Variants in LY9 observed in about 807,000 individuals in gnomAD.
LY9 encodes the protein lymphocyte antigen 9, also known as T-lymphocyte surface antigen Ly-9.
LY9 carries 59 observed loss-of-function variants against 64.6 expected under a neutral mutation model. The observed-to-expected ratio is 0.91, with a 90% CI of 0.74 to 1.13. The LOEUF (loss-of-function observed/expected upper bound fraction) is 1.13. Ranked by LOEUF, LY9 falls within the 50% of genes most tolerant of loss-of-function variation. The pLI, the probability that LY9 is intolerant of heterozygous loss-of-function variation, is 0.00. For synonymous variants in LY9, 281 were observed against 308.5 expected (o/e 0.91, Z 0.93); for missense variants, 789 against 797.2 (o/e 0.99, Z 0.12).
rs1021219176 is a variant in LY9 at position 160,823,537 on chromosome 1, C to G, written c.1571C>G (p.Pro524Arg). 1.9e-6 allele frequency: 3 copies of G among 1,614,212 alleles called. No homozygotes were observed. Among genetic ancestry groups the G allele is most frequent in the Non-Finnish European group, 2.5e-6 (3 of 1,180,028 alleles). The change falls in exon 8 of 10, where the codon CCT becomes CGT. Residue 524 changes from proline (P) to arginine (R), a missense_variant. Physicochemically the swap from Pro to Arg is moderately radical, Grantham distance 103. Coordinates refer to ENST00000263285, the MANE Select transcript of LY9 (RefSeq NM_002348.4). Reference sequence around the variant, plus strand: ...GAGAAGCTGGACACTCCCCTCAGGCCTGCCAGGCAACAGCCTACACCCACC... The same window carrying G: ...GAGAAGCTGGACACTCCCCTCAGGCGTGCCAGGCAACAGCCTACACCCACC... The part of the protein sequence containing the change: ...GYEKLDTPLR[P>R]ARQQPTPTSD...
chr1:160,813,783 C>A lies in LY9; in HGVS notation c.602C>A (p.Ser201Tyr). 1.9e-6 allele frequency: 3 copies of A among 1,614,142 alleles called. No individual in the cohort carries two copies. The highest frequency in any genetic ancestry group is 2.5e-6 in the Non-Finnish European group (3 of 1,180,020). ...CCAAGGGAACCCCATGCTTCTGAGT[C>A]CAATGGAGGCTCCATTCTTACCGTC... ...WTPREPHASE[S>Y]NGGSILTVSR... Residue 201 changes from serine (S) to tyrosine (Y), a missense_variant, in exon 3 of 10, where the codon TCC (serine) becomes TAC (tyrosine). By Grantham distance (144) the Ser-to-Tyr change is moderately radical. Coordinates refer to ENST00000263285, the MANE Select transcript of LY9 (RefSeq NM_002348.4).
rs563712486 is a variant in LY9 at position 160,802,791 on chromosome 1, C to T, written c.454+2709C>T. On this transcript the variant is annotated intron_variant, in intron 2 of 9. Transcript: ENST00000263285. The stretch of plus-strand genomic sequence containing the variant: ...TTGTCAAAGGTCAATTGGCTATAAA[C>T]CTGTGGCTTTATTTCTGTGTTCTCT... The T allele has an allele frequency of 1.7e-4, 75 of 430,818 alleles. 1 individual carries two copies. Among genetic ancestry groups the T allele is most frequent in the African/African-American group, 1.5e-3 (69 of 46,504 alleles). 26.7% of individuals were successfully genotyped at this position (430,818 alleles called of 1,614,324 possible).
intron 1 of LY9, chr1:160,797,212 A>T: frequency 1.0e-6 from 1 of 985,496 alleles, no homozygotes; most frequent in Non-Finnish European, 1.2e-6. Flanking sequence ...GCCACCTGGG[A>T]CTGTGGCAGC....
chr1:160,799,987 A>G lies in LY9; in HGVS notation c.359A>G (p.Asn120Ser), dbSNP rs754794213. The change falls in exon 2 of 10, where the codon AAT becomes AGT. Residue 120 changes from asparagine to serine, a missense_variant. By Grantham distance (46) the Asn-to-Ser change is conservative. Transcript: ENST00000263285. ...TKWSYSLCIS[N>S]LTLNDAGSYK... Reference sequence around the variant, plus strand: ...TGGAGTTACTCCCTGTGCATCAGCAATCTGACTCTGAATGATGCAGGATCC... The same window carrying G: ...TGGAGTTACTCCCTGTGCATCAGCAGTCTGACTCTGAATGATGCAGGATCC... 31 of 1,614,096 alleles carry G rather than the reference A, an allele frequency of 1.9e-5. No individual in the cohort carries two copies. The highest frequency in any genetic ancestry group is 2.0e-5 in the Non-Finnish European group (24 of 1,180,044).
At position 160,816,690 on chromosome 1, in the gene LY9, A is replaced by T. The variant is rs750912918; in HGVS notation, c.1169A>T (p.Asn390Ile). The T allele has an allele frequency of 4.9e-5, 79 of 1,614,016 alleles. No individual in the cohort carries two copies. The highest frequency in any genetic ancestry group is 6.1e-5 in the Non-Finnish European group (72 of 1,180,002). ...ACCTGCTCCGTGGAGGACGGGGGAA[A>T]CACTGTCATGTACACATGGACCCCG... The part of the protein sequence containing the change: ...SLTCSVEDGG[N>I]TVMYTWTPLQ... The change falls in exon 5 of 10, where the codon AAC (asparagine) becomes ATC (isoleucine). Residue 390 changes from asparagine (N) to isoleucine (I), a missense_variant. By Grantham distance (149) the Asn-to-Ile change is moderately radical. Coordinates refer to ENST00000263285, the MANE Select transcript of LY9 (RefSeq NM_002348.4).
intron 2 of LY9, chr1:160,813,264 C>A (rs928876298): frequency 8.8e-6 from 2 of 227,686 alleles, no homozygotes; most frequent in Non-Finnish European, 1.7e-5. Context: ...CACTCCATAG[C>A]GTTTGGGGCT....
At chr1:160,824,064 C>T in intron 8 of LY9, 117 bp from the exon 9 acceptor site, 1 of 1,313,104 alleles carries the variant, frequency 7.6e-7, no homozygotes, top group African/African-American at 1.5e-5. Flanking sequence ...TAAGGCAGCT[C>T]CCACCCTGTG....
chr1:160,806,427 G>C (rs1209920552), intron 2 of LY9, among the ~76,000 whole-genome samples: 3 of 152,140 alleles, frequency 2.0e-5, no homozygotes, highest in Non-Finnish European at 4.4e-5. Context: ...AGCATTTCTT[G>C]TAAGACCCCA....
In LY9 at chr1:160,814,550, C is replaced by T; in HGVS notation, c.861C>T (p.Ser287=). 1 of 1,614,134 alleles carries T rather than the reference C, an allele frequency of 6.2e-7. No individual in the cohort carries two copies. Among genetic ancestry groups the T allele is most frequent in the Middle Eastern group, 1.6e-4 (1 of 6,062 alleles). ...AGGTTGTCTGGTTGTTTAACACATC[C>T]ATCATTAGCAAAGAGAGGGAAGAAG... ...TEKVVWLFNT[S]IISKEREEAA... Residue 287 remains serine, a synonymous_variant, in exon 4 of 10, where the codon TCC becomes TCT. Transcript: ENST00000263285.
intron 2 of LY9, chr1:160,802,450 C>T: frequency 1.0e-6 from 1 of 986,286 alleles, no homozygotes; most frequent in Non-Finnish European, 1.2e-6. Flanking sequence ...GGGATGCAGG[C>T]CCACAGTGCG....
chr1:160,824,708 G>A (rs1270930023), intron 9 of LY9: 16 of 957,714 alleles, frequency 1.7e-5, no homozygotes, highest in Admixed American at 6.2e-5. Flanking sequence ...AGCCGGGCGC[G>A]GTGGCTCATA....
chr1:160,809,132 A>T (rs575656364), intron 2 of LY9, among the ~76,000 whole-genome samples: 3 of 151,822 alleles, frequency 2.0e-5, no homozygotes, highest in African/African-American at 7.2e-5. Flanking sequence ...TTATATTCTG[A>T]TGGATAAATC....
chr1:160,826,640 T>C (rs1447055228), intron 9 of LY9, among the ~76,000 whole-genome samples: 1 of 152,130 alleles, frequency 6.6e-6, no homozygotes, highest in Non-Finnish European at 1.5e-5. Flanking sequence ...CACTGCACTG[T>C]GGTAAAGAGG....
At chr1:160,805,753 ACAC>A (rs1558088451) in intron 2 of LY9, among the ~76,000 whole-genome samples, 3 of 140,376 alleles carry the variant, frequency 2.1e-5, no homozygotes, top group Non-Finnish European at 4.6e-5. Flanking sequence ...ACACACACAC[ACAC>A]ACACACACAC....
At chr1:160,821,151 TA>T (rs373539992) in intron 7 of LY9, among the ~76,000 whole-genome samples, 29 of 105,054 alleles carry the variant, frequency 2.8e-4, no homozygotes, top group African/African-American at 8.0e-4. Flanking sequence ...GAAACTTTGC[TA>T]AAAAAAAAAA....
intron 1 of LY9, chr1:160,797,365 C>T (rs1316880963): frequency 1.4e-5 from 12 of 834,844 alleles, no homozygotes; most frequent in African/African-American, 1.8e-5. Flanking sequence ...TATGGGTGAA[C>T]GAGGAGCCTA....
Position 160,816,646 on chromosome 1 carries a change from C to T in LY9, c.1125C>T (p.Gly375=), listed in dbSNP as rs1192775736. The part of the protein sequence containing the change: ...ITWSLRHSED[G]ICRISLTCSV... ...GGAGCCTCAGGCACAGTGAGGATGG[C>T]ATCTGCAGGATCAGCCTGACCTGCT... The change falls in exon 5 of 10, where the codon GGC becomes GGT. Residue 375 remains glycine, a synonymous_variant. Transcript: ENST00000263285. 2.5e-6 allele frequency: 4 copies of T among 1,613,798 alleles called. No individual in the cohort carries two copies. The South Asian group carries it at 3.3e-5, about 13-fold the overall frequency.
Position 160,814,498 on chromosome 1 carries a change from C to T in LY9, c.809C>T (p.Ala270Val). 6.2e-7 allele frequency: 1 copy of T among 1,614,128 alleles called. No individual in the cohort carries two copies. Among genetic ancestry groups the T allele is most frequent in the Non-Finnish European group, 8.5e-7 (1 of 1,180,012 alleles). The change falls in exon 4 of 10, where the codon GCA becomes GTA. Residue 270 changes from alanine (A) to valine (V), a missense_variant. Ala to Val is a moderately conservative substitution (Grantham distance 64). Coordinates refer to ENST00000263285, the MANE Select transcript of LY9 (RefSeq NM_002348.4). The stretch of plus-strand genomic sequence containing the variant: ...GGAGAGCCAGTCACCCTGCCACTTG[C>T]ACTCCCAGCCTGCCGGGACACAGAG... The part of the protein sequence containing the change: ...VLGEPVTLPL[A>V]LPACRDTEKV...
At chr1:160,820,583 G>T (rs908891763) in intron 7 of LY9, among the ~76,000 whole-genome samples, 2 of 152,122 alleles carry the variant, frequency 1.3e-5, no homozygotes, top group African/African-American at 4.8e-5. Context: ...AATTAGGCTG[G>T]ACTATGAAGC....
Sources: gnomAD v4.1 joint callset for allele counts (sites outside exome capture counted in the v4.1 genomes callset) on GRCh38, gnomAD v4.1.1 for gene constraint, MANE v1.5 for transcripts, NCBI Gene and HGNC (gene_info 2026-07-23, HGNC 2026-07-21) for gene names.